Variants in ANK2 observed in about 807,000 individuals in gnomAD.
The protein encoded by ANK2 is ankyrin 2, also known as ankyrin-2.
In ANK2, 83 loss-of-function variants were observed where a neutral mutation model predicts 360.5. The observed-to-expected ratio is 0.23, with a 90% CI of 0.19 to 0.28. The LOEUF is 0.28. Among genes scored for constraint, ANK2 ranks in the 10% least tolerant of loss-of-function variants. The probability of loss-of-function intolerance (pLI) is 1.00; values close to 1 mark genes in which losing one functional copy is unlikely to be tolerated. For missense variants in ANK2, 4,201 were observed against 4,795.7 expected (o/e 0.88, Z 3.66); for synonymous variants, 1,740 against 1,759.5 (o/e 0.99, Z 0.28).
the ANK2 span, among the ~76,000 whole-genome samples, chr4:112,725,388 C>T: frequency 1.8e-5 from 2 of 108,748 alleles, no homozygotes; most frequent in Non-Finnish European, 3.6e-5. Flanking sequence ...TGAGACAGAG[C>T]CTTGCTGTGT....
intron 2 of ANK2, among the ~76,000 whole-genome samples, chr4:112,995,367 ATTT>A (rs1561457929): frequency 6.6e-6 from 1 of 152,118 alleles, no homozygotes; most frequent in East Asian, 1.9e-4. Flanking sequence ...GATGTTGAGC[ATTT>A]TTACATGTTT....
chr4:113,306,277 A>T (rs186913225), intron 23 of ANK2, among the ~76,000 whole-genome samples: 5 of 152,316 alleles, frequency 3.3e-5, no homozygotes, highest in Admixed American at 2.6e-4. Context: ...GTGCTAAGAG[A>T]TGAGAGATTA....
intron 10 of ANK2, among the ~76,000 whole-genome samples, chr4:113,255,440 G>A (rs1161863332): frequency 3.9e-5 from 6 of 152,124 alleles, no homozygotes; most frequent in African/African-American, 1.4e-4. Flanking sequence ...TTATTTTTCT[G>A]TATTTAATAT....
intron 2 of ANK2, among the ~76,000 whole-genome samples, chr4:112,959,216 C>G (rs1409005565): frequency 6.6e-6 from 1 of 152,066 alleles, no homozygotes; most frequent in Non-Finnish European, 1.5e-5. Flanking sequence ...GTGTACTCAT[C>G]ACTGGAATAG....
the ANK2 span, among the ~76,000 whole-genome samples, chr4:112,763,944 T>A: frequency 6.6e-6 from 1 of 152,028 alleles, no homozygotes; most frequent in South Asian, 2.1e-4. Context: ...ACATATGTTC[T>A]TTCTGGCTTT....
chr4:113,278,297 A>C (rs1461322537), intron 16 of ANK2, among the ~76,000 whole-genome samples, 163 bp from the exon 17 acceptor site: 1 of 152,122 alleles, frequency 6.6e-6, no homozygotes, highest in African/African-American at 2.4e-5. Flanking sequence ...TATGTTTTTA[A>C]TATGAAAATT....
intron 2 of ANK2, among the ~76,000 whole-genome samples, chr4:112,951,651 A>AG (rs2095017239): frequency 1.3e-5 from 2 of 152,208 alleles, no homozygotes. Context: ...GTTTAAAAAA[A>AG]AAATCACCAG....
intron 1 of ANK2, chr4:112,881,910 T>A: frequency 1.4e-6 from 1 of 705,754 alleles, no homozygotes; most frequent in Middle Eastern, 4.1e-4. Context: ...AACTCTCCCA[T>A]CCACCTTGTG....
At chr4:113,205,895 A>C (rs1288809678) in intron 4 of ANK2, among the ~76,000 whole-genome samples, 1 of 152,170 alleles carries the variant, frequency 6.6e-6, no homozygotes, top group Non-Finnish European at 1.5e-5. Flanking sequence ...AAAAACTTGT[A>C]ATGGAACATT....
chr4:113,052,446 T>C (rs76220451), intron 1 of ANK2, among the ~76,000 whole-genome samples: 2,184 of 152,296 alleles, frequency 0.014, 30 homozygotes, highest in Middle Eastern at 0.02. Flanking sequence ...CGTCTATCTC[T>C]AGTAAATACG....
At chr4:112,771,009 T>A in the ANK2 span, among the ~76,000 whole-genome samples, 10 of 152,212 alleles carry the variant, frequency 6.6e-5, no homozygotes, top group Non-Finnish European at 1.5e-4. Context: ...CAGGGAGCAC[T>A]GTGGGGCAGA....
rs1435442441 is a variant in ANK2 at position 113,341,922 on chromosome 4, G to C, written c.4122+6G>C. 3 of 1,591,042 alleles carry C rather than the reference G, an allele frequency of 1.9e-6. No individual in the cohort carries two copies. Among genetic ancestry groups the C allele is most frequent in the East Asian group, 2.2e-5 (1 of 44,724 alleles). On this transcript the variant is annotated splice_donor_region_variant and intron_variant, in intron 33 of 45. Coordinates refer to ENST00000357077, the MANE Select transcript of ANK2 (RefSeq NM_001148.6). The stretch of plus-strand genomic sequence containing the variant: ...CCAGAAGCAGGGATGTGGAGGTACT[G>C]TACCAAAAATAATAATAATAATTTA...
intron 22 of ANK2, among the ~76,000 whole-genome samples, chr4:113,300,876 G>A (rs1445720009): frequency 1.3e-5 from 2 of 152,158 alleles, no homozygotes; most frequent in African/African-American, 2.4e-5. Context: ...AAAACAAAGA[G>A]CCACCAAAAA....
chr4:113,324,820 A>G (rs1252798429), intron 26 of ANK2, among the ~76,000 whole-genome samples: 1 of 152,122 alleles, frequency 6.6e-6, no homozygotes, highest in Non-Finnish European at 1.5e-5. Context: ...TGTTCTTTCA[A>G]CTAACTCTGA....
intron 17 of ANK2, among the ~76,000 whole-genome samples, chr4:113,280,186 A>G (rs973270232): frequency 1.3e-5 from 2 of 152,290 alleles, no homozygotes; most frequent in Admixed American, 6.5e-5. Context: ...AGAAAGGATT[A>G]TAGGTACTCA....
intron 2 of ANK2, among the ~76,000 whole-genome samples, chr4:113,030,200 T>TA (rs993132130): frequency 4.0e-5 from 6 of 151,880 alleles, no homozygotes; most frequent in South Asian, 2.1e-4. Context: ...TTTATATAAC[T>TA]AAAAAAAACC....
intron 17 of ANK2, among the ~76,000 whole-genome samples, chr4:113,280,140 T>C (rs933279560): frequency 2.0e-5 from 3 of 152,074 alleles, no homozygotes; most frequent in African/African-American, 7.3e-5. Context: ...TCATTAGTAC[T>C]CATGAGTACT....
At chr4:112,882,072 G>T (rs2076843702) in intron 1 of ANK2, 1 of 361,138 alleles carries the variant, frequency 2.8e-6, no homozygotes, top group Non-Finnish European at 5.1e-6. Flanking sequence ...GGCTCTCATC[G>T]GTTGTTTCAA....
intron 1 of ANK2, among the ~76,000 whole-genome samples, chr4:112,862,786 TG>T (rs2068576170): frequency 6.6e-6 from 1 of 152,112 alleles, no homozygotes; most frequent in Non-Finnish European, 1.5e-5. Flanking sequence ...TTAAGCTGGG[TG>T]TGCATGCACC....
Sources: allele counts gnomAD v4.1 joint callset (sites outside exome capture counted in the v4.1 genomes callset), GRCh38; gene constraint gnomAD v4.1.1; transcripts MANE v1.5; gene names NCBI Gene and HGNC (gene_info 2026-07-23, HGNC 2026-07-21).